Variants in NOL6 observed in about 807,000 individuals in gnomAD.
The protein encoded by NOL6 is nucleolar RNA-associated protein.
In NOL6, 33 loss-of-function variants were observed where a neutral mutation model predicts 131.7. That is an observed-to-expected ratio of 0.25 (90% confidence interval 0.19 to 0.33). The LOEUF (loss-of-function observed/expected upper bound fraction) is 0.33, where lower values mean the gene tolerates loss of function less well. Ranked by LOEUF, NOL6 falls within the 10% of genes least tolerant of loss-of-function variation. The pLI, the probability that NOL6 is intolerant of heterozygous loss-of-function variation, is 1.00. For missense variants in NOL6, 1,297 were observed against 1,494.5 expected (o/e 0.87, Z 2.18); for synonymous variants, 580 against 605.7 (o/e 0.96, Z 0.62).
intron 21 of NOL6, 77 bp downstream of exon 21, chr9:33,464,802 C>A: frequency 9.3e-7 from 1 of 1,069,918 alleles, no homozygotes; most frequent in South Asian, 1.4e-5. Flanking sequence ...GAAAACCTAA[C>A]ACTGCCAGGG....
intron 21 of NOL6, among the ~76,000 whole-genome samples, chr9:33,464,539 T>G (rs35284018): frequency 1.3e-5 from 2 of 151,656 alleles, no homozygotes; most frequent in Middle Eastern, 3.4e-3. Flanking sequence ...AAATCACCAC[T>G]CCCACCCCCA....
At position 33,466,929 on chromosome 9, in the gene NOL6, T is replaced by C; in HGVS notation, c.1933A>G (p.Ile645Val). ...HYVGGPLDAL[I>V]QGLKETSSTG... ...ACCCTTACCTCTTTCAGGCCTTGGA[T>C]AAGTGCATCCAGGGGGCCCCCCACA... is the stretch of plus-strand genomic sequence containing the variant. Residue 645 changes from isoleucine to valine, a missense_variant, in exon 15 of 26, where the codon ATC (isoleucine) becomes GTC (valine). Ile to Val is a conservative substitution (Grantham distance 29). Coordinates refer to ENST00000297990, the MANE Select transcript of NOL6 (RefSeq NM_022917.5). 1 of 1,614,078 alleles carries C rather than the reference T, an allele frequency of 6.2e-7. No homozygotes were observed. Among genetic ancestry groups the C allele is most frequent in the Non-Finnish European group, 8.5e-7 (1 of 1,179,998 alleles).
intron 3 of NOL6, chr9:33,470,713 C>T (rs1475765665): frequency 1.3e-5 from 2 of 149,828 alleles, no homozygotes; most frequent in African/African-American, 2.5e-5. Context: ...CATTTTACTA[C>T]CAAAATGTAT....
At chr9:33,465,947 G>A (rs752666277) in intron 18 of NOL6, 50 bp from the exon 19 acceptor site, 22 of 1,595,008 alleles carry the variant, frequency 1.4e-5, no homozygotes, top group Middle Eastern at 1.7e-4. Context: ...CCAGAACCCC[G>A]GGAGTACTCT....
chr9:33,473,793 G>A lies in NOL6; in HGVS notation c.50C>T (p.Pro17Leu). 6.2e-7 allele frequency: 1 copy of A among 1,612,024 alleles called. No individual in the cohort carries two copies. Among genetic ancestry groups the A allele is most frequent in the Non-Finnish European group, 8.5e-7 (1 of 1,180,020 alleles). Residue 17 changes from proline to leucine, a missense_variant, in exon 1 of 26, where the codon CCA (proline) becomes CTA (leucine). Coordinates refer to ENST00000297990, the MANE Select transcript of NOL6 (RefSeq NM_022917.5). Reference protein sequence around the residue: ...GEQLRGATGEPEVMEPALEGT... With the variant: ...GEQLRGATGELEVMEPALEGT... ...CTCCCCGATGGCTCAACCCACCTCT[G>A]GCTCTCCAGTCGCTCCGCGAAGCTG...
Position 33,466,113 on chromosome 9 carries a change from A to G in NOL6, c.2322T>C (p.Gly774=). ...RLAELLTQQH[G]LQCRATATHT... ...GCGTGGCAGTGGCACGGCACTGCAG[A>G]CCATGCTGTTGTGTCAACAGCTCTG... The change falls in exon 18 of 26, where the codon GGT becomes GGC. Residue 774 remains glycine (G), a synonymous_variant. Transcript: ENST00000297990. 6.2e-7 allele frequency: 1 copy of G among 1,611,242 alleles called. No homozygotes were observed. The highest frequency in any genetic ancestry group is 8.5e-7 in the Non-Finnish European group (1 of 1,178,254).
Position 33,468,517 on chromosome 9 carries a change from A to G in NOL6, c.1197T>C (p.Asp399=). The change falls in exon 9 of 26, where the codon GAT becomes GAC. Residue 399 remains aspartate, a synonymous_variant. Coordinates refer to ENST00000297990, the MANE Select transcript of NOL6 (RefSeq NM_022917.5). ...CCCTTCCCCAACTCACCAAAGAGGG[A>G]TCTGAGCTGAGACATAAACTGATCC... ...VNGISLCLSS[D]PSLPALADFH... The G allele has an allele frequency of 6.2e-7, 1 of 1,614,012 alleles. No individual in the cohort carries two copies. Among genetic ancestry groups the G allele is most frequent in the Non-Finnish European group, 8.5e-7 (1 of 1,179,966 alleles).
rs79327731 is a variant in NOL6, at chr9:33,466,674, C to G, written c.1986G>C (p.Ala662=). The G allele has an allele frequency of 1.5e-3, 2,373 of 1,613,874 alleles. 23 individuals are homozygous for G. The African/African-American group carries it at 0.028, about 19-fold the overall frequency. ...SSTGEEALVA[A]VRCYDDLSRL... Reference sequence around the variant, plus strand: ...GACTGAGGTCGTCGTAGCAACGTACCGCCGCTACCAGGGCCTCCTCACCTG... The same window carrying G: ...GACTGAGGTCGTCGTAGCAACGTACGGCCGCTACCAGGGCCTCCTCACCTG... Residue 662 remains alanine (A), a synonymous_variant, in exon 16 of 26, where the codon GCG becomes GCC. Coordinates refer to ENST00000297990, the MANE Select transcript of NOL6 (RefSeq NM_022917.5).
chr9:33,461,888 T>C lies in NOL6; in HGVS notation c.*776A>G, dbSNP rs1827103009. On this transcript the variant is annotated 3_prime_UTR_variant, in exon 26 of 26. Coordinates refer to ENST00000297990, the MANE Select transcript of NOL6 (RefSeq NM_022917.5). Reference sequence around the variant, plus strand: ...GGGAGTAAGACTTGAGTCTCCCCCATCTCTGCAACCCCACTGCAGGTACAT... The same window carrying C: ...GGGAGTAAGACTTGAGTCTCCCCCACCTCTGCAACCCCACTGCAGGTACAT... 1 of 401,906 alleles carries C rather than the reference T, an allele frequency of 2.5e-6. No individual in the cohort carries two copies. Among genetic ancestry groups the C allele is most frequent in the African/African-American group, 2.0e-5 (1 of 50,378 alleles). The allele number at this position is 401,906 out of a possible 1,614,324, so 24.9% of individuals were successfully genotyped here.
At position 33,469,277 on chromosome 9, in the gene NOL6, C is replaced by G. The variant is rs370042879; in HGVS notation, c.792G>C (p.Pro264=). ...HPCPPPDFFR[P]CRLLPTKNNV... ...TGTTCTTGGTTGGCAGCAAGCGGCACGGGCGGAAGAAGTCAGGTGGAGGGC... is the reference window on the plus strand; with the variant it reads ...TGTTCTTGGTTGGCAGCAAGCGGCAGGGGCGGAAGAAGTCAGGTGGAGGGC... Residue 264 remains proline, a synonymous_variant, in exon 6 of 26, where the codon CCG becomes CCC. Transcript: ENST00000297990. 1 of 1,614,162 alleles carries G rather than the reference C, an allele frequency of 6.2e-7. No homozygotes were observed. Among genetic ancestry groups the G allele is most frequent in the Non-Finnish European group, 8.5e-7 (1 of 1,180,032 alleles).
intron 4 of NOL6, 134 bp from the exon 5 acceptor site, chr9:33,469,801 G>T: frequency 8.7e-7 from 1 of 1,153,720 alleles, no homozygotes; most frequent in Non-Finnish European, 1.2e-6. Flanking sequence ...AGCAACACTA[G>T]GCCCAGTTCT....
chr9:33,469,199 C>T lies in NOL6; in HGVS notation c.862+8G>A, dbSNP rs201761370. ...TCCAGCTCCACCTCAACACCAGGGC[C>T]TGCTCACCATCCCCTGCAGGACTCT... On this transcript the variant is annotated splice_region_variant and intron_variant, in intron 6 of 25. Coordinates refer to ENST00000297990, the MANE Select transcript of NOL6 (RefSeq NM_022917.5). 6.2e-7 allele frequency: 1 copy of T among 1,614,230 alleles called. No individual in the cohort carries two copies. The highest frequency in any genetic ancestry group is 1.7e-5 in the Admixed American group (1 of 60,032).
Position 33,468,359 on chromosome 9 carries a change from T to C in NOL6, c.1270A>G (p.Asn424Asp), listed in dbSNP as rs1291522605. 1.9e-6 allele frequency: 3 copies of C among 1,614,002 alleles called. No individual in the cohort carries two copies. In the Admixed American group the frequency reaches 5.0e-5, roughly 27 times the overall value. ...GAGGCAGTGACATCAGCACAGAGGT[T>C]GAGATGGCCTGAGGAATCCAGGAAG... ...VVFLDSSGHLNLCADVTASTY... is the reference protein window; with the variant it reads ...VVFLDSSGHLDLCADVTASTY... Residue 424 changes from asparagine to aspartate, a missense_variant, in exon 10 of 26, where the codon AAC becomes GAC. Asn to Asp is a conservative substitution (Grantham distance 23). Transcript: ENST00000297990.
chr9:33,463,749 T>C (rs1390764423), intron 23 of NOL6, 82 bp downstream of exon 23: 1 of 1,423,874 alleles, frequency 7.0e-7, no homozygotes, highest in East Asian at 2.3e-5. Context: ...GGGGACCGGG[T>C]CTCCTGTGAG....
At position 33,467,594 on chromosome 9, in the gene NOL6, A is replaced by C; in HGVS notation, c.1603-78T>G. ...AGAAACCTACTTTCTAGCTAGCTAG[A>C]AACGCCTAGCTGGAGGAATGGTGTG... On this transcript the variant is annotated intron_variant, in intron 12 of 25. Coordinates refer to ENST00000297990, the MANE Select transcript of NOL6 (RefSeq NM_022917.5). This position sits in a 1 kb window ranked among gnomAD's most constrained non-coding sequence, Gnocchi z 4.4. 6.3e-7 allele frequency: 1 copy of C among 1,586,814 alleles called. No homozygotes were observed.
At position 33,470,133 on chromosome 9, in the gene NOL6, T is replaced by C; in HGVS notation, c.437A>G (p.Tyr146Cys). 6.2e-6 allele frequency: 10 copies of C among 1,610,796 alleles called. No homozygotes were observed. Among genetic ancestry groups the C allele is most frequent in the Non-Finnish European group, 8.5e-6 (10 of 1,177,716 alleles). The change falls in exon 4 of 26, where the codon TAT becomes TGT. Residue 146 changes from tyrosine to cysteine, a missense_variant. Coordinates refer to ENST00000297990, the MANE Select transcript of NOL6 (RefSeq NM_022917.5). ...GAAGCGGAAACAGCCCTTCACGGCA[T>C]AGGGCACTTGGTGGAGGGGCACTCG... ...GVRVPLHQVP[Y>C]AVKGCFRFLP...
rs1587227972 is a variant in NOL6 at position 33,472,253 on chromosome 9, G to A, written c.214C>T (p.Leu72Phe). 1.9e-6 allele frequency: 3 copies of A among 1,614,226 alleles called. No individual in the cohort carries two copies. The highest frequency in any genetic ancestry group is 2.5e-6 in the Non-Finnish European group (3 of 1,180,032). ...TGGAACAAGATCTCAGTCTCCCGAA[G>A]GCGATTAAGCTCCTCATTGGTAGGC... ...KEPTNEELNR[L>F]RETEILFHSS... Residue 72 changes from leucine (L) to phenylalanine (F), a missense_variant, in exon 2 of 26, where the codon CTT (leucine) becomes TTT (phenylalanine). By Grantham distance (22) the Leu-to-Phe change is conservative. Transcript: ENST00000297990.
At chr9:33,463,764 C>T (rs1827164126) in intron 23 of NOL6, 67 bp downstream of exon 23, 2 of 1,536,056 alleles carry the variant, frequency 1.3e-6, no homozygotes, top group South Asian at 2.3e-5. Flanking sequence ...TGTGAGATCC[C>T]TGAACGCTGA....
At position 33,464,979 on chromosome 9, in the gene NOL6, A is replaced by G; in HGVS notation, c.2682-3T>C. ...GAAGGAAGCCAACCTGGGGGGAACTAAAGGGCTGGAGTAAGCAAAGAATCC... is the reference window on the plus strand; with the variant it reads ...GAAGGAAGCCAACCTGGGGGGAACTGAAGGGCTGGAGTAAGCAAAGAATCC... On this transcript the variant is annotated splice_polypyrimidine_tract_variant and splice_region_variant and intron_variant, in intron 20 of 25. Transcript: ENST00000297990. 1 of 1,611,210 alleles carries G rather than the reference A, an allele frequency of 6.2e-7. No individual in the cohort carries two copies. Among genetic ancestry groups the G allele is most frequent in the Non-Finnish European group, 8.5e-7 (1 of 1,177,538 alleles).
Sources: allele counts gnomAD v4.1 joint callset (sites outside exome capture counted in the v4.1 genomes callset), GRCh38; gene constraint gnomAD v4.1.1; non-coding constraint Gnocchi (gnomAD v3.1); transcripts MANE v1.5; gene names NCBI Gene and HGNC (gene_info 2026-07-23, HGNC 2026-07-21).